Variants in CARNMT1 observed in about 807,000 individuals in gnomAD.
CARNMT1 encodes protein-L-histidine N-pros-methyltransferase CARNMT1.
In CARNMT1, 28 loss-of-function variants were observed where a neutral mutation model predicts 49.6. The ratio of observed to expected loss-of-function variants is 0.56; its 90% confidence interval spans 0.42 to 0.77. CARNMT1 has a LOEUF of 0.77. CARNMT1 is among the 30% of genes least tolerant of loss of function. The pLI, the probability that CARNMT1 is intolerant of heterozygous loss-of-function variation, is 0.00. For missense variants in CARNMT1, 421 were observed against 512.6 expected, an observed-to-expected ratio of 0.82 and a Z score of 1.73; for synonymous variants, 178 against 175.0, an observed-to-expected ratio of 1.02 and a Z score of -0.13.
At chr9:75,027,540 C>CA (rs1822566515) in intron 1 of CARNMT1, 1 of 897,330 alleles carries the variant, frequency 1.1e-6, no homozygotes, top group Non-Finnish European at 1.3e-6. Context: ...CTCTTACAAG[C>CA]ACTGGTAACA....
intron 7 of CARNMT1, 151 bp downstream of exon 7, chr9:74,984,756 C>A: frequency 5.1e-6 from 3 of 583,398 alleles, no homozygotes; most frequent in South Asian, 4.8e-5. Flanking sequence ...TGGTCCCAAG[C>A]ATTTTGAATA....
intron 3 of CARNMT1, among the ~76,000 whole-genome samples, chr9:75,007,642 T>C (rs1002504287): frequency 2.0e-5 from 3 of 147,284 alleles, no homozygotes; most frequent in African/African-American, 7.5e-5. Context: ...GGCAGGAGAA[T>C]CACTTGAACC....
intron 3 of CARNMT1, among the ~76,000 whole-genome samples, chr9:75,001,299 G>A (rs1158523962): frequency 6.6e-6 from 1 of 152,148 alleles, no homozygotes; most frequent in Non-Finnish European, 1.5e-5. Context: ...CTACCCTGAA[G>A]GGAAAGCTGT....
intron 5 of CARNMT1, among the ~76,000 whole-genome samples, chr9:74,997,908 A>T (rs1833238252): frequency 6.6e-6 from 1 of 152,110 alleles, no homozygotes; most frequent in South Asian, 2.1e-4. Context: ...AGTACTTAGT[A>T]GGTGCTCAAC....
chr9:75,007,652 C>T (rs1015967718), intron 3 of CARNMT1, among the ~76,000 whole-genome samples: 9 of 149,426 alleles, frequency 6.0e-5, no homozygotes, highest in African/African-American at 7.4e-5. Context: ...TCACTTGAAC[C>T]GAGGAGGCAG....
chr9:74,985,412 C>A (rs1170614627), intron 6 of CARNMT1, among the ~76,000 whole-genome samples: 2 of 152,166 alleles, frequency 1.3e-5, no homozygotes, highest in East Asian at 3.8e-4. Context: ...CTCAAGTTAA[C>A]CTAGGTAGTA....
At chr9:75,002,558 T>C (rs765874893) in intron 3 of CARNMT1, among the ~76,000 whole-genome samples, 2 of 152,190 alleles carry the variant, frequency 1.3e-5, no homozygotes, top group Non-Finnish European at 2.9e-5. Context: ...TAATCTTTTA[T>C]TACATTGAAA....
intron 6 of CARNMT1, 106 bp downstream of exon 6, chr9:74,996,341 C>T (rs1587661988): frequency 1.6e-6 from 1 of 635,916 alleles, no homozygotes; most frequent in South Asian, 2.0e-5. Flanking sequence ...ACATTTACAA[C>T]ATAATTCTAA....
intron 3 of CARNMT1, among the ~76,000 whole-genome samples, chr9:75,015,434 C>A: frequency 6.6e-6 from 1 of 152,098 alleles, no homozygotes; most frequent in Non-Finnish European, 1.5e-5. Context: ...ATTTTGATAA[C>A]TGTATTTCAA....
chr9:74,983,866 C>T lies in CARNMT1; in HGVS notation c.1131G>A (p.Val377=). 5 of 1,586,964 alleles carry T rather than the reference C, an allele frequency of 3.2e-6. No homozygotes were observed. Among genetic ancestry groups the T allele is most frequent in the Non-Finnish European group, 2.6e-6 (3 of 1,165,462 alleles). ...VVLQYGFKVE[V]EKESVLSTYT... Reference sequence around the variant, plus strand: ...ATGTTGACAATACAGATTCTTTTTCCACCTGCAATGCAAACAATAATCATA... The same window carrying T: ...ATGTTGACAATACAGATTCTTTTTCTACCTGCAATGCAAACAATAATCATA... Residue 377 remains valine (V), a splice_region_variant and synonymous_variant, in exon 8 of 8, where the codon GTG becomes GTA. Coordinates refer to ENST00000376834, the MANE Select transcript of CARNMT1 (RefSeq NM_152420.3).
chr9:74,993,571 C>G (rs1433182707), intron 6 of CARNMT1, among the ~76,000 whole-genome samples: 2 of 152,078 alleles, frequency 1.3e-5, no homozygotes, highest in Non-Finnish European at 2.9e-5. Context: ...TACAGTAATC[C>G]TAATGCTAAT....
intron 1 of CARNMT1, among the ~76,000 whole-genome samples, chr9:75,021,565 A>G (rs181328813): frequency 6.6e-6 from 1 of 151,766 alleles, no homozygotes; most frequent in Non-Finnish European, 1.5e-5. Flanking sequence ...TAGAAATTAG[A>G]AGTACTCAGG....
chr9:75,013,449 G>A (rs1833758278), intron 3 of CARNMT1, among the ~76,000 whole-genome samples: 1 of 152,046 alleles, frequency 6.6e-6, no homozygotes, highest in South Asian at 2.1e-4. Flanking sequence ...TATGCATAAA[G>A]TTATTAATTT....
intron 1 of CARNMT1, among the ~76,000 whole-genome samples, chr9:75,022,905 T>C (rs1822415656): frequency 6.6e-6 from 1 of 151,766 alleles, no homozygotes; most frequent in Admixed American, 6.6e-5. Context: ...GAGGCTGAGG[T>C]GGGCAGATCA....
At chr9:75,002,092 G>C (rs1379538012) in intron 3 of CARNMT1, among the ~76,000 whole-genome samples, 1 of 151,926 alleles carries the variant, frequency 6.6e-6, no homozygotes, top group Non-Finnish European at 1.5e-5. Context: ...AGGAGGAAAA[G>C]TTTCAACAGT....
intron 1 of CARNMT1, among the ~76,000 whole-genome samples, chr9:75,018,820 G>C (rs1833924785): frequency 6.6e-6 from 1 of 151,916 alleles, no homozygotes; most frequent in African/African-American, 2.4e-5. Context: ...TATAAAAATT[G>C]GCTGGGCATG....
chr9:75,007,650 A>C (rs1351239697), intron 3 of CARNMT1, among the ~76,000 whole-genome samples: 1 of 150,852 alleles, frequency 6.6e-6, no homozygotes, highest in Non-Finnish European at 1.5e-5. Flanking sequence ...AATCACTTGA[A>C]CCGAGGAGGC....
intron 3 of CARNMT1, among the ~76,000 whole-genome samples, chr9:75,008,977 T>C (rs1040971433): frequency 6.0e-5 from 9 of 149,806 alleles, no homozygotes; most frequent in Admixed American, 5.3e-4. Context: ...TGAAACAGAA[T>C]ATAGAGTCCA....
chr9:75,016,595 G>A (rs1274956549), intron 2 of CARNMT1, 164 bp from the exon 3 acceptor site: 10 of 608,352 alleles, frequency 1.6e-5, no homozygotes, highest in Non-Finnish European at 2.6e-5. Flanking sequence ...TAAATGAAAA[G>A]AGTTTGGTGG....
Sources: gnomAD v4.1 joint callset for allele counts (sites outside exome capture counted in the v4.1 genomes callset) on GRCh38, gnomAD v4.1.1 for gene constraint, MANE v1.5 for transcripts, NCBI Gene and HGNC (gene_info 2026-07-23, HGNC 2026-07-21) for gene names.